ODF2: variants seen among roughly 807,000 people sequenced by gnomAD.
ODF2 encodes the protein outer dense fiber protein 2.
Under a neutral mutation model 110.2 loss-of-function variants are expected in ODF2, and 47 were observed. The observed-to-expected ratio is 0.43, with a 90% confidence interval of 0.34 to 0.54. ODF2 has a LOEUF of 0.54. Ranked by LOEUF, ODF2 falls within the 20% of genes least tolerant of loss-of-function variation. ODF2 has a pLI of 0.03. For synonymous variants in ODF2, 352 were observed against 397.7 expected (o/e 0.89, Z 1.37); for missense variants, 812 against 1,054.5 (o/e 0.77, Z 3.19).
At chr9:128,496,803 C>G (rs1183799203) in intron 18 of ODF2, among the ~76,000 whole-genome samples, 1 of 152,224 alleles carries the variant, frequency 6.6e-6, no homozygotes, top group East Asian at 1.9e-4. Flanking sequence ...TCTCAGCTCA[C>G]TGCAACCTCG....
chr9:128,471,204 A>G, intron 5 of ODF2, 104 bp from the exon 6 acceptor site: 2 of 1,229,882 alleles, frequency 1.6e-6, no homozygotes, highest in Non-Finnish European at 2.2e-6. Context: ...GTGAGCCACC[A>G]CGCCCGGCCG....
intron 14 of ODF2, among the ~76,000 whole-genome samples, chr9:128,488,623 G>T (rs1270860488): frequency 2.0e-5 from 3 of 152,262 alleles, no homozygotes; most frequent in Admixed American, 1.3e-4. Context: ...GGTTAATGTG[G>T]GCTCTCCTGG....
At chr9:128,455,296 A>G (rs1290091649), upstream of ODF2, 1 of 1,446,744 alleles carries the variant, frequency 6.9e-7, no homozygotes. Flanking sequence ...TCAAGCCTGT[A>G]ATACAAGCAC....
At chr9:128,490,804 G>A (rs1289333379) in intron 14 of ODF2, among the ~76,000 whole-genome samples, 1 of 152,046 alleles carries the variant, frequency 6.6e-6, no homozygotes, top group East Asian at 1.9e-4. Flanking sequence ...ATCTGTTAAG[G>A]TTGGTTTTTT....
intron 16 of ODF2, 95 bp downstream of exon 16, chr9:128,492,900 C>A: frequency 2.9e-6 from 3 of 1,044,830 alleles, no homozygotes; most frequent in African/African-American, 1.6e-5. Context: ...TTGACCCTAC[C>A]TGATTTGGGC....
chr9:128,469,253 A>T (rs1308750660), exon 5 of ODF2: 1 of 1,613,950 alleles, frequency 6.2e-7, no homozygotes, highest in Non-Finnish European at 8.5e-7. Flanking sequence ...CGGTTAAGTG[A>T]CCTCTCTACA....
intron 18 of ODF2, 34 bp downstream of exon 18, chr9:128,496,175 C>G (rs759347990): frequency 6.2e-7 from 1 of 1,612,724 alleles, no homozygotes; most frequent in Admixed American, 1.7e-5. Context: ...CTGTCCTCTT[C>G]CTAGGACCTG....
rs768630433 is a variant in ODF2 at position 128,471,488 on chromosome 9, G to C, written c.581+20G>C. On this transcript the variant is annotated intron_variant, in intron 6 of 20. Transcript: ENST00000604420. ...CACCATGTAAGGTGGCTCCTGCTCT[G>C]TCCCCGCTGATCTATTCCTCCCTAC... The C allele has an allele frequency of 6.2e-7, 1 of 1,607,940 alleles. No individual in the cohort carries two copies. The highest frequency in any genetic ancestry group is 8.5e-7 in the Non-Finnish European group (1 of 1,177,506).
At chr9:128,461,205 C>A in intron 4 of ODF2, 138 bp downstream of exon 4, 1 of 1,089,150 alleles carries the variant, frequency 9.2e-7, no homozygotes, top group Non-Finnish European at 1.3e-6. Flanking sequence ...TTGCTAAACC[C>A]TGAAACTATG....
At chr9:128,467,938 G>A (rs963891817) in intron 4 of ODF2, among the ~76,000 whole-genome samples, 6 of 151,912 alleles carry the variant, frequency 3.9e-5, no homozygotes, top group Admixed American at 2.6e-4. Context: ...CTCGTGATCC[G>A]CCCGCCTTGG....
chr9:128,459,500 A>G lies in ODF2; in HGVS notation c.33-67A>G, dbSNP rs1835840720. The G allele has an allele frequency of 3.9e-6, 5 of 1,279,522 alleles. No homozygotes were observed. In the Admixed American group the frequency reaches 5.7e-5, roughly 15 times the overall value. 79.3% of individuals were successfully genotyped at this position (1,279,522 alleles called of 1,614,324 possible). On this transcript the variant is annotated intron_variant, in intron 2 of 20. Coordinates refer to ENST00000604420, the Ensembl canonical transcript of ODF2. ...GCTACCGTAGTCAGTGTGTAATTTC[A>G]TGAGATCTGAAATATAAGATTGCCC...
intron 14 of ODF2, among the ~76,000 whole-genome samples, chr9:128,491,830 A>G (rs183170018): frequency 6.6e-6 from 1 of 151,166 alleles, no homozygotes; most frequent in Admixed American, 6.6e-5. Context: ...GTCATTAAGC[A>G]TTAGGATTAG....
At chr9:128,493,132 C>G (rs1449461894) in intron 16 of ODF2, among the ~76,000 whole-genome samples, 1 of 151,864 alleles carries the variant, frequency 6.6e-6, no homozygotes, top group Non-Finnish European at 1.5e-5. Context: ...CACCTGTAAT[C>G]CCAGCACTTT....
At chr9:128,481,241 C>G (rs866793062) in intron 8 of ODF2, among the ~76,000 whole-genome samples, 47 of 152,270 alleles carry the variant, frequency 3.1e-4, no homozygotes, top group African/African-American at 1.1e-3. Flanking sequence ...GAGGCCAAAG[C>G]AGGCAGATTG....
At chr9:128,488,331 G>C (rs927919104) in intron 14 of ODF2, among the ~76,000 whole-genome samples, 3 of 152,014 alleles carry the variant, frequency 2.0e-5, no homozygotes, top group South Asian at 2.1e-4. Context: ...AGGCTGAGTT[G>C]GGAGAATCGC....
chr9:128,473,779 A>C, intron 8 of ODF2, 38 bp downstream of exon 8: 3 of 1,574,212 alleles, frequency 1.9e-6, no homozygotes, highest in South Asian at 2.2e-5. Context: ...CCAGCTCTGC[A>C]TGCCCATCCT....
exon 2 of ODF2, chr9:128,457,280 T>TC: frequency 6.2e-7 from 1 of 1,603,026 alleles, no homozygotes; most frequent in Non-Finnish European, 8.5e-7. Flanking sequence ...TCCACCCTTC[T>TC]CCCCTCAGAG....
intron 14 of ODF2, among the ~76,000 whole-genome samples, chr9:128,489,269 A>G (rs1844047221): frequency 6.6e-6 from 1 of 152,028 alleles, no homozygotes; most frequent in Admixed American, 6.5e-5. Context: ...TTTTTCACTG[A>G]TTTTGTTTTT....
intron 4 of ODF2, among the ~76,000 whole-genome samples, chr9:128,465,768 T>C (rs1160359035): frequency 6.6e-6 from 1 of 151,572 alleles, no homozygotes; most frequent in Non-Finnish European, 1.5e-5. Flanking sequence ...GATCTATTTT[T>C]ATTTAGGGAA....
Sources: gnomAD v4.1 joint callset for allele counts (sites outside exome capture counted in the v4.1 genomes callset) on GRCh38, gnomAD v4.1.1 for gene constraint, MANE v1.5 for transcripts, NCBI Gene and HGNC (gene_info 2026-07-23, HGNC 2026-07-21) for gene names.